LRRC4C: variants seen among roughly 807,000 people sequenced by gnomAD.
LRRC4C encodes leucine-rich repeat-containing protein 4C.
A neutral mutation model predicts 33.6 loss-of-function variants in LRRC4C; 5 were observed. The observed-to-expected ratio is 0.15, with a 90% CI of 0.08 to 0.31. The LOEUF is 0.31. Among genes scored for constraint, LRRC4C ranks in the 10% least tolerant of loss-of-function variants. The pLI is 1.00. For synonymous variants in LRRC4C, 329 were observed against 302.0 expected, an observed-to-expected ratio of 1.09 and a Z score of -0.93; for missense variants, 560 against 796.7, an observed-to-expected ratio of 0.70 and a Z score of 3.58.
At chr11:40,626,157 C>T (rs1962908115) in intron 3 of LRRC4C, among the ~76,000 whole-genome samples, 1 of 152,130 alleles carries the variant, frequency 6.6e-6, no homozygotes, top group African/African-American at 2.4e-5. Context: ...GTGCTTCAAA[C>T]ACAGTAGTCT....
intron 3 of LRRC4C, among the ~76,000 whole-genome samples, chr11:40,599,832 A>G (rs1453773311): frequency 6.6e-6 from 1 of 152,216 alleles, no homozygotes; most frequent in Non-Finnish European, 1.5e-5. Context: ...AGAAATGGAA[A>G]TGTAGGGCAG....
chr11:40,596,738 C>T (rs1038077483), intron 3 of LRRC4C, among the ~76,000 whole-genome samples: 2 of 152,074 alleles, frequency 1.3e-5, no homozygotes, highest in Non-Finnish European at 2.9e-5. Context: ...TGGTTTATTT[C>T]ACTTGACATA....
chr11:40,650,578 G>C (rs1018919078), intron 2 of LRRC4C, among the ~76,000 whole-genome samples: 7 of 152,018 alleles, frequency 4.6e-5, no homozygotes, highest in African/African-American at 1.7e-4. Flanking sequence ...ATTAATAAAA[G>C]TCAATTAGAT....
intron 2 of LRRC4C, among the ~76,000 whole-genome samples, chr11:40,885,010 A>C (rs1955379019): frequency 6.6e-6 from 1 of 151,992 alleles, no homozygotes; most frequent in African/African-American, 2.4e-5. Flanking sequence ...GTGAGGGATG[A>C]AAAATTATCG....
At chr11:41,026,568 C>A (rs1235510366) in intron 1 of LRRC4C, among the ~76,000 whole-genome samples, 1 of 151,356 alleles carries the variant, frequency 6.6e-6, no homozygotes, top group African/African-American at 2.4e-5. Flanking sequence ...GGGTAAAACG[C>A]TATCAAACAG....
chr11:41,150,936 T>A (rs1943971123), intron 1 of LRRC4C, among the ~76,000 whole-genome samples: 1 of 152,110 alleles, frequency 6.6e-6, no homozygotes, highest in Non-Finnish European at 1.5e-5. Flanking sequence ...AAATGTCTCC[T>A]AATTCAACCA....
At chr11:40,534,134 T>C (rs2135335104) in intron 3 of LRRC4C, among the ~76,000 whole-genome samples, 1 of 152,260 alleles carries the variant, frequency 6.6e-6, no homozygotes, top group South Asian at 2.1e-4. Context: ...ATTTATTACA[T>C]GAGGATTATA....
intron 2 of LRRC4C, among the ~76,000 whole-genome samples, chr11:40,866,937 C>A (rs545849814): frequency 6.6e-6 from 1 of 152,090 alleles, no homozygotes; most frequent in East Asian, 1.9e-4. Flanking sequence ...ATTATATTTG[C>A]TCCTTTTGTT....
chr11:41,347,721 G>C (rs572321474), intron 1 of LRRC4C, among the ~76,000 whole-genome samples: 1 of 152,236 alleles, frequency 6.6e-6, no homozygotes, highest in African/African-American at 2.4e-5. Context: ...GTTGCATAAA[G>C]TTGCCCCAGG....
chr11:40,732,452 C>T (rs1478832933), intron 2 of LRRC4C, among the ~76,000 whole-genome samples: 2 of 152,114 alleles, frequency 1.3e-5, no homozygotes, highest in African/African-American at 4.8e-5. Flanking sequence ...CGTCTTTCTT[C>T]CAGAAGTTAA....
At chr11:40,884,024 G>T (rs545304860) in intron 2 of LRRC4C, among the ~76,000 whole-genome samples, 3 of 151,452 alleles carry the variant, frequency 2.0e-5, no homozygotes, top group African/African-American at 7.3e-5. Flanking sequence ...TTTAAGCCCC[G>T]CATGCATTAT....
chr11:40,200,538 A>G (rs1023380348), intron 5 of LRRC4C, among the ~76,000 whole-genome samples: 3 of 152,064 alleles, frequency 2.0e-5, no homozygotes, highest in African/African-American at 7.2e-5. Context: ...ATCCCTGAAA[A>G]TGGGCCATAA....
intron 2 of LRRC4C, among the ~76,000 whole-genome samples, chr11:40,855,707 T>C (rs1953744837): frequency 1.3e-5 from 2 of 152,182 alleles, no homozygotes; most frequent in Admixed American, 1.3e-4. Flanking sequence ...GCTGCCTATT[T>C]ATGAGACTGA....
intron 1 of LRRC4C, among the ~76,000 whole-genome samples, chr11:41,452,389 C>G (rs1259126502): frequency 6.6e-6 from 1 of 152,040 alleles, no homozygotes; most frequent in Non-Finnish European, 1.5e-5. Flanking sequence ...ACATCAAAAA[C>G]AGATAAAATA....
chr11:41,358,680 A>C (rs1315121122), intron 1 of LRRC4C, among the ~76,000 whole-genome samples: 1 of 152,184 alleles, frequency 6.6e-6, no homozygotes, highest in South Asian at 2.1e-4. Context: ...CAACGATGAG[A>C]TATAACTGCT....
At chr11:41,412,621 G>T (rs1380754418) in intron 1 of LRRC4C, among the ~76,000 whole-genome samples, 2 of 152,098 alleles carry the variant, frequency 1.3e-5, no homozygotes, top group African/African-American at 4.8e-5. Flanking sequence ...TCAACAAAAG[G>T]CATGTGACCC....
chr11:40,495,811 ATGTTTTTTTTTTTTTTTT>A (rs1233171775), intron 3 of LRRC4C, among the ~76,000 whole-genome samples: 30 of 51,908 alleles, frequency 5.8e-4, no homozygotes, highest in Admixed American at 1.7e-3. Context: ...CTCAATAAAC[ATGTTTTTTTTTTTTTTTT>A]TTTTTTTTTT....
chr11:40,624,999 T>A, intron 3 of LRRC4C, among the ~76,000 whole-genome samples: 1 of 152,130 alleles, frequency 6.6e-6, no homozygotes, highest in East Asian at 1.9e-4. Flanking sequence ...GAAATAGCAT[T>A]CATCAGAGTC....
intron 3 of LRRC4C, among the ~76,000 whole-genome samples, chr11:40,602,952 G>A (rs1169032367): frequency 1.3e-5 from 2 of 152,092 alleles, no homozygotes; most frequent in African/African-American, 2.4e-5. Context: ...TTCCCAGGAA[G>A]TAATAGTCAC....
Sources: gnomAD v4.1 joint callset for allele counts (sites outside exome capture counted in the v4.1 genomes callset) on GRCh38, gnomAD v4.1.1 for gene constraint, MANE v1.5 for transcripts, NCBI Gene and HGNC (gene_info 2026-07-23, HGNC 2026-07-21) for gene names.